PFKFB2: variants seen among roughly 807,000 people sequenced by gnomAD.
The protein encoded by PFKFB2 is 6-phosphofructo-2-kinase/fructose-2,6-biphosphatase 2.
Under a neutral mutation model 68.0 loss-of-function variants are expected in PFKFB2, and 53 were observed. That is an observed-to-expected ratio of 0.78 (90% CI 0.63 to 0.98). The LOEUF (loss-of-function observed/expected upper bound fraction) is 0.98. PFKFB2 is among the 50% of genes least tolerant of loss of function. PFKFB2 has a pLI of 0.00. For missense variants in PFKFB2, 451 were observed against 642.0 expected, an observed-to-expected ratio of 0.70 and a Z score of 3.22; for synonymous variants, 222 against 227.6, an observed-to-expected ratio of 0.98 and a Z score of 0.22.
Position 207,072,612 on chromosome 1 carries a change from G to A in PFKFB2, c.*241G>A. The A allele has an allele frequency of 7.8e-7, 1 of 1,284,604 alleles. No homozygotes were observed. The highest frequency in any genetic ancestry group is 9.9e-7 in the Non-Finnish European group (1 of 1,014,514). The allele number at this position is 1,284,604 out of a possible 1,614,324, so 79.6% of individuals were successfully genotyped here. On this transcript the variant is annotated 3_prime_UTR_variant, in exon 15 of 15. Transcript: ENST00000367080. ...GCAAGTTAGCAAATTGAGTCTTTTA[G>A]GACAGATTCTCAGATGGGATGATCT... is the stretch of plus-strand genomic sequence containing the variant.
At chr1:207,041,090 G>C (rs931149670) in intron 1 of PFKFB2, among the ~76,000 whole-genome samples, 3 of 151,638 alleles carry the variant, frequency 2.0e-5, no homozygotes, top group Non-Finnish European at 4.4e-5. Flanking sequence ...CACCACGCCC[G>C]GCTACTTTTT....
chr1:207,040,205 T>G (rs1682450550), intron 1 of PFKFB2, among the ~76,000 whole-genome samples: 1 of 152,226 alleles, frequency 6.6e-6, no homozygotes, highest in South Asian at 2.1e-4. Flanking sequence ...GGTATTGATT[T>G]CAAACCTGAC....
In PFKFB2 at chr1:207,073,522, A is replaced by G. The variant is rs78285730; in HGVS notation, c.*1151A>G. On this transcript the variant is annotated 3_prime_UTR_variant, in exon 15 of 15. Coordinates refer to ENST00000367080, the MANE Select transcript of PFKFB2 (RefSeq NM_006212.2). ...TGTCCTTAAGAAGAAAGAAACATCA[A>G]AACAAAATAGTTTTTACATGACCAT... 804 of 985,306 alleles carry G rather than the reference A, an allele frequency of 8.2e-4. 6 individuals carry two copies. The African/African-American group carries it at 0.013, about 16-fold the overall frequency. The allele number at this position is 985,306 out of a possible 1,614,324, so 61.0% of individuals were successfully genotyped here.
At chr1:207,067,031 C>A (rs1683311355) in intron 8 of PFKFB2, among the ~76,000 whole-genome samples, 1 of 152,164 alleles carries the variant, frequency 6.6e-6, no homozygotes, top group Non-Finnish European at 1.5e-5. Context: ...TTGAGAGAAG[C>A]ATGATTAGGT....
chr1:207,048,988 G>A (rs1001399195), upstream of PFKFB2: 2 of 1,583,404 alleles, frequency 1.3e-6, no homozygotes, highest in Non-Finnish European at 1.7e-6. Context: ...GATGTGTGAG[G>A]TAGTAGGCTT....
At position 207,068,272 on chromosome 1, in the gene PFKFB2, C is replaced by A. The variant is rs144563941; in HGVS notation, c.950C>A (p.Pro317His). The change falls in exon 10 of 15, where the codon CCC (proline) becomes CAC (histidine). Residue 317 changes from proline (P) to histidine (H), a missense_variant. Coordinates refer to ENST00000367080, the MANE Select transcript of PFKFB2 (RefSeq NM_006212.2). Reference protein sequence around the residue: ...TIQTAESLGVPYEQWKILNEI... With the variant: ...TIQTAESLGVHYEQWKILNEI... Reference sequence around the variant, plus strand: ...CAGACTGCTGAATCTCTCGGGGTGCCCTATGAGCAGTGGAAGATTCTGAAT... The same window carrying A: ...CAGACTGCTGAATCTCTCGGGGTGCACTATGAGCAGTGGAAGATTCTGAAT... The A allele has an allele frequency of 6.2e-7, 1 of 1,601,820 alleles. No individual in the cohort carries two copies. The highest frequency in any genetic ancestry group is 1.7e-4 in the Middle Eastern group (1 of 5,978).
chr1:207,040,567 G>A (rs1184977640), intron 1 of PFKFB2, among the ~76,000 whole-genome samples: 3 of 151,600 alleles, frequency 2.0e-5, no homozygotes, highest in Non-Finnish European at 4.4e-5. Context: ...AATCATAAAA[G>A]TTTCAGTGGG....
Position 207,063,398 on chromosome 1 carries a change from T to A in PFKFB2, c.427T>A (p.Phe143Ile). 1 of 1,613,662 alleles carries A rather than the reference T, an allele frequency of 6.2e-7. No homozygotes were observed. The highest frequency in any genetic ancestry group is 8.5e-7 in the Non-Finnish European group (1 of 1,179,630). ...GGAGAGGAGGGACATGATTTTGAACTTTGCTGAACAGAATTCCTTCAAGGT... is the reference window on the plus strand; with the variant it reads ...GGAGAGGAGGGACATGATTTTGAACATTGCTGAACAGAATTCCTTCAAGGT... ...TRERRDMILN[F>I]AEQNSFKVFF... The change falls in exon 6 of 15, where the codon TTT (phenylalanine) becomes ATT (isoleucine). Residue 143 changes from phenylalanine (F) to isoleucine (I), a missense_variant. Coordinates refer to ENST00000367080, the MANE Select transcript of PFKFB2 (RefSeq NM_006212.2). This position sits in a 1 kb window ranked among gnomAD's most constrained non-coding sequence, Gnocchi z 4.1.
Position 207,073,544 on chromosome 1 carries a change from C to T in PFKFB2, c.*1173C>T, listed in dbSNP as rs1683530286. The T allele has an allele frequency of 1.0e-6, 1 of 984,746 alleles. No homozygotes were observed. Among genetic ancestry groups the T allele is most frequent in the Non-Finnish European group, 1.2e-6 (1 of 829,306 alleles). The allele number at this position is 984,746 out of a possible 1,614,324, so 61.0% of individuals were successfully genotyped here. A position where few individuals can be genotyped will look rare whatever the true frequency, so the allele number is the denominator to read the frequency against. ...TCAAAACAAAATAGTTTTTACATGA[C>T]CATTTTTTTCCCAAATGTGGAAAAG... On this transcript the variant is annotated 3_prime_UTR_variant, in exon 15 of 15. Coordinates refer to ENST00000367080, the MANE Select transcript of PFKFB2 (RefSeq NM_006212.2).
chr1:207,080,640 T>A (rs1683738014), downstream of PFKFB2: 1 of 152,254 alleles, frequency 6.6e-6, no homozygotes, highest in African/African-American at 2.4e-5. Context: ...AAGGCATTTT[T>A]GAGTTTTCTT....
At chr1:207,064,497 C>T (rs1456769489) in intron 7 of PFKFB2, among the ~76,000 whole-genome samples, 1 of 152,276 alleles carries the variant, frequency 6.6e-6, no homozygotes, top group East Asian at 1.9e-4. Flanking sequence ...CCAAAGTTCT[C>T]GTCAGTGTTC....
In PFKFB2 at chr1:207,063,981, CT is replaced by C. The variant is rs1394961669; in HGVS notation, c.507+156del. On this transcript the variant is annotated intron_variant, in intron 7 of 14. Transcript: ENST00000367080. This position sits in a 1 kb window ranked among gnomAD's most constrained non-coding sequence, Gnocchi z 4.1. The stretch of plus-strand genomic sequence containing the variant: ...GACATGTTTAACATCACAAAGAGAT[CT>C]TTTCTATCTGCCAGAGCCCCATCTG... 2 of 695,786 alleles carry C rather than the reference CT, an allele frequency of 2.9e-6. No individual in the cohort carries two copies. Among genetic ancestry groups the C allele is most frequent in the Admixed American group, 2.0e-5 (1 of 49,964 alleles). The allele number at this position is 695,786 out of a possible 1,614,324, so 43.1% of individuals were successfully genotyped here. A position where few individuals can be genotyped will look rare whatever the true frequency, so the allele number is the denominator to read the frequency against.
intron 1 of PFKFB2, chr1:207,034,935 T>C (rs1436327101): frequency 6.5e-6 from 1 of 154,736 alleles, no homozygotes; most frequent in Non-Finnish European, 1.4e-5. Context: ...CTTTGTTTTA[T>C]TTTTGCTTAG....
rs187782465 is a variant in PFKFB2 at position 207,069,944 on chromosome 1, C to G, written c.1093-336C>G. Among the ~76,000 whole-genome samples, 53 of 152,242 alleles carry G rather than the reference C, an allele frequency of 3.5e-4. 1 individual carries two copies. The highest frequency in any genetic ancestry group is 2.5e-3 in the South Asian group (12 of 4,830). On this transcript the variant is annotated intron_variant, in intron 11 of 14. Coordinates refer to ENST00000367080, the MANE Select transcript of PFKFB2 (RefSeq NM_006212.2). The stretch of plus-strand genomic sequence containing the variant: ...ATGTGTGAGGCAAAAGTAAATAAAA[C>G]TGAATGGCAGAGGTACAGGAAACCC...
At chr1:207,067,846 G>T in intron 9 of PFKFB2, 140 bp downstream of exon 9, 1 of 738,294 alleles carries the variant, frequency 1.4e-6, no homozygotes, top group East Asian at 2.5e-5. Flanking sequence ...CTCAAGGTGT[G>T]TTCTTGCTCA....
At chr1:207,060,563 G>A (rs981208818) in intron 2 of PFKFB2, among the ~76,000 whole-genome samples, 4 of 152,158 alleles carry the variant, frequency 2.6e-5, no homozygotes, top group Admixed American at 6.5e-5. Context: ...CATGACCTGA[G>A]TGAAAAGGCC....
chr1:207,068,046 C>T (rs532335292), intron 9 of PFKFB2, 117 bp from the exon 10 acceptor site: 44 of 884,862 alleles, frequency 5.0e-5, no homozygotes, highest in Non-Finnish European at 6.4e-5. Flanking sequence ...TGGTTATGCA[C>T]GTTGTCCCTT....
intron 1 of PFKFB2, chr1:207,035,082 T>G (rs1295341515): frequency 1.3e-6 from 1 of 785,574 alleles, no homozygotes; most frequent in East Asian, 1.3e-4. Context: ...TTTGAGGGGG[T>G]ATGTGTGTCA....
chr1:207,067,124 G>A (rs1260698566), intron 8 of PFKFB2, among the ~76,000 whole-genome samples: 1 of 152,158 alleles, frequency 6.6e-6, no homozygotes, highest in East Asian at 1.9e-4. Context: ...GCCATATTCT[G>A]GCCAGGTCTT....
Sources: gnomAD v4.1 joint callset for allele counts (sites outside exome capture counted in the v4.1 genomes callset) on GRCh38, gnomAD v4.1.1 for gene constraint, Gnocchi (gnomAD v3.1) non-coding constraint, MANE v1.5 for transcripts, NCBI Gene and HGNC (gene_info 2026-07-23, HGNC 2026-07-21) for gene names.